Variants in TGIF1 observed in about 807,000 individuals in gnomAD.
TGIF1 encodes TGFB induced factor homeobox 1.
Under a neutral mutation model 19.3 loss-of-function variants are expected in TGIF1, and 4 were observed. The observed-to-expected ratio is 0.21, with a 90% CI of 0.10 to 0.47. The LOEUF (loss-of-function observed/expected upper bound fraction) is 0.47, where lower values mean the gene tolerates loss of function less well. Ranked by LOEUF, TGIF1 falls within the 20% of genes least tolerant of loss-of-function variation. TGIF1 has a pLI of 0.98. For synonymous variants in TGIF1, 122 were observed against 129.3 expected (o/e 0.94, Z 0.38); for missense variants, 275 against 341.4 (o/e 0.81, Z 1.53).
At chr18:3,452,862 G>A (rs1015055204) in intron 1 of TGIF1, among the ~76,000 whole-genome samples, 1 of 152,148 alleles carries the variant, frequency 6.6e-6, no homozygotes, top group Non-Finnish European at 1.5e-5. Flanking sequence ...GGGTAAGCTT[G>A]GTTTGTGATA....
intron 2 of TGIF1, among the ~76,000 whole-genome samples, chr18:3,419,240 GA>G (rs1421067796): frequency 6.6e-6 from 1 of 152,046 alleles, no homozygotes; most frequent in Non-Finnish European, 1.5e-5. Flanking sequence ...AAACCATTTG[GA>G]AAAAACAAAG....
chr18:3,422,687 T>TTG (rs2082419134), intron 2 of TGIF1, among the ~76,000 whole-genome samples: 1 of 104,244 alleles, frequency 9.6e-6, no homozygotes, highest in Admixed American at 1.1e-4. Flanking sequence ...TTTTTTTTTT[T>TTG]TTTTTTTTTT....
At chr18:3,415,401 G>C (rs570414915) in intron 1 of TGIF1, 7 of 481,876 alleles carry the variant, frequency 1.5e-5, no homozygotes, top group Admixed American at 6.3e-5. Flanking sequence ...CAGGGACATT[G>C]GAAGCTGGAG....
chr18:3,457,160 A>G lies in TGIF1; in HGVS notation c.244-205A>G, dbSNP rs775588999. The G allele has an allele frequency of 8.7e-5, 56 of 640,600 alleles. No individual in the cohort carries two copies. The highest frequency in any genetic ancestry group is 1.4e-4 in the Non-Finnish European group (53 of 373,642). The allele number at this position is 640,600 out of a possible 1,614,324, so 39.7% of individuals were successfully genotyped here. On this transcript the variant is annotated intron_variant, in intron 2 of 2. Transcript: ENST00000343820. This position sits in a 1 kb window ranked among gnomAD's most constrained non-coding sequence, Gnocchi z 4.9. ...AGAGACAAAAAAGGAAATTTGTATT[A>G]GAAACTAGAAGGCTTATGACAGGTG... is the stretch of plus-strand genomic sequence containing the variant.
At chr18:3,413,490 G>A (rs908570882) in intron 1 of TGIF1, among the ~76,000 whole-genome samples, 2 of 152,044 alleles carry the variant, frequency 1.3e-5, no homozygotes, top group African/African-American at 4.8e-5. Flanking sequence ...TTGCTTATTC[G>A]AGTTGTTATT....
intron 2 of TGIF1, among the ~76,000 whole-genome samples, chr18:3,428,424 AT>A (rs964375557): frequency 2.8e-4 from 43 of 151,242 alleles, no homozygotes; most frequent in African/African-American, 7.8e-4. Context: ...TTTAATTAAA[AT>A]TTTTTTTTTA....
At chr18:3,450,652 C>A in intron 1 of TGIF1, 147 bp downstream of exon 1, 1 of 1,479,496 alleles carries the variant, frequency 6.8e-7, no homozygotes, top group Non-Finnish European at 9.1e-7. Context: ...GTTGAGGCTG[C>A]GTCTGAAACG....
chr18:3,434,087 C>T (rs1184663646), intron 2 of TGIF1, among the ~76,000 whole-genome samples: 1 of 152,058 alleles, frequency 6.6e-6, no homozygotes, highest in Admixed American at 6.5e-5. Context: ...TGAGAAACAG[C>T]CCATTTAAAT....
In TGIF1 at chr18:3,456,080, C is replaced by T. The variant is rs1047722851; in HGVS notation, c.17-274C>T. ...TCCAATGATTAGACGAAAGAGTTTTCTGACCATCATTCAAAAGGAATGTGA... is the reference window on the plus strand; with the variant it reads ...TCCAATGATTAGACGAAAGAGTTTTTTGACCATCATTCAAAAGGAATGTGA... On this transcript the variant is annotated intron_variant, in intron 1 of 2. Coordinates refer to ENST00000343820, the MANE Select transcript of TGIF1 (RefSeq NM_003244.4). This position sits in a 1 kb window ranked among gnomAD's most constrained non-coding sequence, Gnocchi z 4.2. The T allele has an allele frequency of 2.0e-5, 10 of 495,626 alleles. No individual in the cohort carries two copies. Among genetic ancestry groups the T allele is most frequent in the Non-Finnish European group, 1.5e-5 (4 of 271,080 alleles). The allele number at this position is 495,626 out of a possible 1,614,324, so 30.7% of individuals were successfully genotyped here.
At position 3,453,861 on chromosome 18, in the gene TGIF1, G is replaced by C; in HGVS notation, c.17-2493G>C. The C allele has an allele frequency of 7.1e-6, 7 of 984,534 alleles. No homozygotes were observed. The South Asian group carries it at 1.9e-4, about 26-fold the overall frequency. 61.0% of individuals were successfully genotyped at this position (984,534 alleles called of 1,614,324 possible). On this transcript the variant is annotated intron_variant, in intron 1 of 2. Coordinates refer to ENST00000343820, the MANE Select transcript of TGIF1 (RefSeq NM_003244.4). ...CACCGCCACATTTTTTAAAGTGTAA[G>C]CAAAGCAAGACGTTTGGAAACAAGT... is the stretch of plus-strand genomic sequence containing the variant.
At chr18:3,447,554 G>C (rs565875489), upstream of TGIF1, 138 of 719,960 alleles carry the variant, frequency 1.9e-4, no homozygotes, top group East Asian at 3.6e-3. Flanking sequence ...GCTGACCCTA[G>C]GCACTTTCTT....
At chr18:3,427,560 G>A (rs1485784378) in intron 2 of TGIF1, among the ~76,000 whole-genome samples, 1 of 151,768 alleles carries the variant, frequency 6.6e-6, no homozygotes, top group Non-Finnish European at 1.5e-5. Context: ...CAGAGTGCTA[G>A]GATTACAGGC....
chr18:3,448,717 C>CTTTTTT (rs869086299), upstream of TGIF1: 754 of 255,866 alleles, frequency 2.9e-3, 58 homozygotes, highest in African/African-American at 0.03. Flanking sequence ...GCGGGGGTGT[C>CTTTTTT]TTTTTTTTTT....
chr18:3,437,056 G>C (rs1007067465), intron 2 of TGIF1, among the ~76,000 whole-genome samples: 2 of 152,108 alleles, frequency 1.3e-5, no homozygotes, highest in Non-Finnish European at 2.9e-5. Flanking sequence ...AGTGAGCCGA[G>C]ATTGCGCCAC....
At chr18:3,447,336 CT>C (rs1401261478), upstream of TGIF1, among the ~76,000 whole-genome samples, 1 of 119,214 alleles carries the variant, frequency 8.4e-6, no homozygotes, top group African/African-American at 3.5e-5. Flanking sequence ...AATCTATATA[CT>C]TTAAAAAAAA....
rs35177717 is a variant in TGIF1, at chr18:3,424,247, G to GT, written c.-45+6041dup. Among the ~76,000 whole-genome samples, 176 of 150,046 alleles carry GT rather than the reference G, an allele frequency of 1.2e-3. 1 individual carries two copies. The highest frequency in any genetic ancestry group is 3.0e-3 in the African/African-American group (122 of 40,984). ...ATCAGCAAAGTAAGTTTTTTTTGTT[G>GT]TTTTTTTTTAATGTCAGATGGGTAA... On this transcript the variant is annotated intron_variant, in intron 2 of 3. Transcript: ENST00000401449.
intron 1 of TGIF1, among the ~76,000 whole-genome samples, chr18:3,417,095 G>A (rs938058711): frequency 2.6e-5 from 4 of 152,002 alleles, no homozygotes; most frequent in African/African-American, 9.7e-5. Context: ...ATTTATAGTG[G>A]TTAAAATTTT....
At chr18:3,416,474 C>T (rs1043867542) in intron 1 of TGIF1, among the ~76,000 whole-genome samples, 9 of 151,976 alleles carry the variant, frequency 5.9e-5, no homozygotes, top group African/African-American at 2.2e-4. Flanking sequence ...CGAGATCACG[C>T]CACTGCACTC....
chr18:3,450,839 T>A (rs2143313000), intron 1 of TGIF1, among the ~76,000 whole-genome samples: 1 of 152,176 alleles, frequency 6.6e-6, no homozygotes, highest in East Asian at 1.9e-4. Flanking sequence ...TCTCGCTCTT[T>A]CTCGCGTGCT....
Sources: allele counts gnomAD v4.1 joint callset (sites outside exome capture counted in the v4.1 genomes callset), GRCh38; gene constraint gnomAD v4.1.1; non-coding constraint Gnocchi (gnomAD v3.1); transcripts MANE v1.5; gene names NCBI Gene and HGNC (gene_info 2026-07-23, HGNC 2026-07-21).